Variants in NUP62CL observed in about 807,000 individuals in gnomAD.
The protein encoded by NUP62CL is nucleoporin 62 C-terminal like.
A neutral mutation model predicts 15.3 loss-of-function variants in NUP62CL; 13 were observed. That is an observed-to-expected ratio of 0.85 (90% CI 0.55 to 1.35). The LOEUF (loss-of-function observed/expected upper bound fraction) is 1.35, where lower values mean the gene tolerates loss of function less well. NUP62CL is among the 40% of genes most tolerant of loss of function. NUP62CL has a pLI of 0.00. For synonymous variants in NUP62CL, 54 were observed against 49.2 expected (o/e 1.10, Z -0.41); for missense variants, 123 against 130.6 (o/e 0.94, Z 0.28).
intron 7 of NUP62CL, chrX:107,150,731 T>C (rs1602642372): frequency 3.6e-6 from 1 of 277,318 alleles, no homozygotes; most frequent in East Asian, 1.0e-4. Flanking sequence ...ACTCTTGGCC[T>C]AAAACAGTTC....
intron 1 of NUP62CL, among the ~76,000 whole-genome samples, chrX:107,196,951 A>G (rs774474537): frequency 2.7e-5 from 3 of 111,711 alleles, no homozygotes; most frequent in African/African-American, 9.8e-5. Context: ...ATCTTTTTCT[A>G]TTCCCTTGTT....
intron 1 of NUP62CL, among the ~76,000 whole-genome samples, chrX:107,194,226 T>C (rs1260108088): frequency 9.0e-6 from 1 of 111,101 alleles, no homozygotes; most frequent in East Asian, 2.8e-4. Context: ...AGTTCTCAGA[T>C]TTAAAAAGCC....
chrX:107,172,119 T>C (rs1014380980), intron 3 of NUP62CL, among the ~76,000 whole-genome samples: 2 of 103,585 alleles, frequency 1.9e-5, no homozygotes, highest in Non-Finnish European at 3.9e-5. Flanking sequence ...AGCCCAGGAG[T>C]TTGAGACCAG....
At position 107,159,914 on chromosome X, in the gene NUP62CL, A is replaced by G. The variant is rs1237682888; in HGVS notation, c.195-5668T>C. ...CTCAGCCCAAAATCTCCTTAAGCTA[A>G]TAAGCAACTTCAGCAAAGTCTCAGG... On this transcript the variant is annotated intron_variant, in intron 4 of 8. Transcript: ENST00000372466. Among the ~76,000 whole-genome samples, 6 of 107,368 alleles carry G rather than the reference A, an allele frequency of 5.6e-5. No homozygotes were observed. The East Asian group carries it at 1.7e-3, about 31-fold the overall frequency. The allele number at this position is 107,368 out of a possible 115,157, so 93.2% of individuals were successfully genotyped here.
intron 8 of NUP62CL, among the ~76,000 whole-genome samples, chrX:107,147,368 T>C: frequency 9.0e-6 from 1 of 111,455 alleles, no homozygotes. Context: ...CAGTATGTAT[T>C]CAATTTTAGT....
intron 2 of NUP62CL, among the ~76,000 whole-genome samples, chrX:107,188,333 A>G (rs1303492492): frequency 8.9e-6 from 1 of 111,760 alleles, no homozygotes; most frequent in Non-Finnish European, 1.9e-5. Flanking sequence ...TCACTGTATT[A>G]GCGGGATAAT....
chrX:107,154,645 G>A (rs1926130709), intron 4 of NUP62CL, among the ~76,000 whole-genome samples: 1 of 111,272 alleles, frequency 9.0e-6, no homozygotes, highest in Non-Finnish European at 1.9e-5. Context: ...TTCCCTGTTT[G>A]AGTAGTATCC....
intron 4 of NUP62CL, among the ~76,000 whole-genome samples, chrX:107,165,076 G>A (rs1044749336): frequency 7.1e-5 from 8 of 111,945 alleles, no homozygotes; most frequent in African/African-American, 2.6e-4. Context: ...ACTCCAGCCT[G>A]GGCGACAGAG....
intron 1 of NUP62CL, among the ~76,000 whole-genome samples, chrX:107,193,984 T>C (rs1927305715): frequency 9.1e-6 from 1 of 109,542 alleles, no homozygotes; most frequent in Non-Finnish European, 1.9e-5. Flanking sequence ...GACTACACAG[T>C]TGAAGAGAAA....
intron 8 of NUP62CL, among the ~76,000 whole-genome samples, chrX:107,142,399 C>T (rs1925792531): frequency 9.0e-6 from 1 of 111,542 alleles, no homozygotes; most frequent in South Asian, 3.8e-4. Context: ...AGGAGTAACT[C>T]TGCCCTAAAT....
intron 8 of NUP62CL, among the ~76,000 whole-genome samples, chrX:107,141,646 A>G (rs1925769639): frequency 8.9e-6 from 1 of 112,150 alleles, no homozygotes; most frequent in Admixed American, 9.4e-5. Flanking sequence ...AGTAAATCAG[A>G]TTCTATTCTA....
At chrX:107,185,144 C>T (rs1178546978) in intron 2 of NUP62CL, among the ~76,000 whole-genome samples, 2 of 93,370 alleles carry the variant, frequency 2.1e-5, no homozygotes, top group African/African-American at 9.0e-5. Flanking sequence ...TTGCAGTGAG[C>T]CGAGATCGCG....
chrX:107,206,313 C>G lies in NUP62CL; in HGVS notation c.-132G>C, dbSNP rs371666759. ...CCGCCGCTCGCTGTCCGGCCCTGAA[C>G]TATACGGGCAGGCCTCCGAGACTGC... On this transcript the variant is annotated 5_prime_UTR_variant, in exon 1 of 9. Coordinates refer to ENST00000372466, the MANE Select transcript of NUP62CL (RefSeq NM_017681.3). 3.8e-4 allele frequency: 42 copies of G among 111,221 alleles called. 2 individuals are homozygous for G. The highest frequency in any genetic ancestry group is 2.8e-3 in the East Asian group (10 of 3,509). The allele number at this position is 111,221 out of a possible 1,213,427, so 9.2% of individuals were successfully genotyped here.
Position 107,174,127 on chromosome X carries a change from C to T in NUP62CL, c.58+962G>A, listed in dbSNP as rs759408930. On this transcript the variant is annotated intron_variant, in intron 3 of 8. Coordinates refer to ENST00000372466, the MANE Select transcript of NUP62CL (RefSeq NM_017681.3). ...TCTCCCTCCCTCCCTCTCTCTCCCC[C>T]TCTCTCTCTTTCTTTCTTCCTTTCC... Among the ~76,000 whole-genome samples the T allele has an allele frequency of 7.8e-4, 67 of 86,119 alleles. No individual in the cohort carries two copies. In the East Asian group the frequency reaches 8.7e-3, roughly 11 times the overall value. 74.8% of individuals were successfully genotyped at this position (86,119 alleles called of 115,157 possible).
Position 107,202,040 on chromosome X carries a change from G to A in NUP62CL, c.-92+4233C>T, listed in dbSNP as rs776482289. ...CAAATCATTTATGGCCACATGTCAG[G>A]GCACTTATAAATACAGATTGGAAAA... On this transcript the variant is annotated intron_variant, in intron 1 of 8. Coordinates refer to ENST00000372466, the MANE Select transcript of NUP62CL (RefSeq NM_017681.3). Among the ~76,000 whole-genome samples the A allele has an allele frequency of 5.4e-5, 6 of 111,952 alleles. No homozygotes were observed. The East Asian group carries it at 1.7e-3, about 31-fold the overall frequency.
chrX:107,131,124 TA>T (rs1054968328), intron 8 of NUP62CL, among the ~76,000 whole-genome samples: 5 of 110,528 alleles, frequency 4.5e-5, no homozygotes, highest in African/African-American at 1.6e-4. Flanking sequence ...AGTAAGAAAA[TA>T]AGGTATGGAC....
chrX:107,195,149 T>C (rs1353426093), intron 1 of NUP62CL, among the ~76,000 whole-genome samples: 2 of 111,427 alleles, frequency 1.8e-5, no homozygotes, highest in Non-Finnish European at 3.8e-5. Context: ...ATAACTTCTA[T>C]GCCACCAGGA....
chrX:107,174,607 T>C (rs1408502540), intron 3 of NUP62CL, among the ~76,000 whole-genome samples: 2 of 111,708 alleles, frequency 1.8e-5, no homozygotes, highest in Admixed American at 1.9e-4. Context: ...TTACACAATG[T>C]CAATTAGAAC....
At chrX:107,173,278 G>T (rs1926693828) in intron 3 of NUP62CL, among the ~76,000 whole-genome samples, 1 of 112,235 alleles carries the variant, frequency 8.9e-6, no homozygotes, top group African/African-American at 3.2e-5. Context: ...AATATATGGA[G>T]ATGGAAAACA....
Sources: gnomAD v4.1 joint callset for allele counts (sites outside exome capture counted in the v4.1 genomes callset) on GRCh38, gnomAD v4.1.1 for gene constraint, MANE v1.5 for transcripts, NCBI Gene and HGNC (gene_info 2026-07-23, HGNC 2026-07-21) for gene names.